Variants in SGK1 observed in about 807,000 individuals in gnomAD.
SGK1 encodes serine/threonine-protein kinase Sgk1.
A neutral mutation model predicts 64.2 loss-of-function variants in SGK1; 26 were observed. That is an observed-to-expected ratio of 0.40 (90% CI 0.30 to 0.56). The LOEUF (loss-of-function observed/expected upper bound fraction) is 0.56. Among genes scored for constraint, SGK1 ranks in the 20% least tolerant of loss-of-function variants. The pLI is 0.38. For missense variants in SGK1, 519 were observed against 645.6 expected (o/e 0.80, Z 2.12); for synonymous variants, 265 against 239.7 (o/e 1.11, Z -0.98).
chr6:134,192,121 G>A (rs761707827), intron 3 of SGK1, among the ~76,000 whole-genome samples: 13 of 151,932 alleles, frequency 8.6e-5, no homozygotes, highest in Admixed American at 5.9e-4. Flanking sequence ...GAGCCACCGC[G>A]CCCGGCCCTG....
intron 1 of SGK1, among the ~76,000 whole-genome samples, chr6:134,266,550 G>A (rs1776857148): frequency 6.6e-6 from 1 of 152,222 alleles, no homozygotes; most frequent in South Asian, 2.1e-4. Flanking sequence ...CGGAGGCAGA[G>A]GTTGCAGTGA....
chr6:134,238,548 ATAT>A (rs1171504421), intron 2 of SGK1, among the ~76,000 whole-genome samples: 1 of 151,168 alleles, frequency 6.6e-6, no homozygotes, highest in Non-Finnish European at 1.5e-5. Context: ...GAACTAAAGA[ATAT>A]TAATTCTCTC....
chr6:134,229,971 A>G (rs1330562424), intron 2 of SGK1, among the ~76,000 whole-genome samples: 2 of 152,222 alleles, frequency 1.3e-5, no homozygotes, highest in Admixed American at 6.5e-5. Flanking sequence ...AAAGCCATTA[A>G]AAAGCCTATA....
chr6:134,182,808 C>T lies in SGK1; in HGVS notation c.362-8222G>A, dbSNP rs545856609. Among the ~76,000 whole-genome samples the T allele has an allele frequency of 1.1e-4, 16 of 152,342 alleles. No homozygotes were observed. In the South Asian group the frequency reaches 2.1e-3, roughly 20 times the overall value. ...CCCCTCCTCCATTCAGTCTCCCTCA[C>T]AGACAGTGCTCCTGAATGTGCTGTA... On this transcript the variant is annotated intron_variant, in intron 3 of 13. Transcript: ENST00000367858.
intron 1 of SGK1, among the ~76,000 whole-genome samples, chr6:134,305,697 A>G (rs1777525100): frequency 6.6e-6 from 1 of 152,082 alleles, no homozygotes; most frequent in African/African-American, 2.4e-5. Context: ...CCCAGGCTAG[A>G]GTACAGTGGT....
At chr6:134,197,901 TATAAA>T (rs145281267) in intron 3 of SGK1, among the ~76,000 whole-genome samples, 4,138 of 36,674 alleles carry the variant, frequency 0.11, 219 homozygotes, top group African/African-American at 0.26. Flanking sequence ...TAAAATAAAA[TATAAA>T]ATAAAATAAA....
intron 2 of SGK1, among the ~76,000 whole-genome samples, chr6:134,232,477 A>AAGAAAGAG (rs1776304594): frequency 6.8e-6 from 1 of 146,420 alleles, no homozygotes; most frequent in African/African-American, 2.6e-5. Context: ...GAAAGAAAGA[A>AAGAAAGAG]AGAAAGAGAA....
At chr6:134,240,197 C>T (rs1030259254) in intron 2 of SGK1, among the ~76,000 whole-genome samples, 1 of 148,302 alleles carries the variant, frequency 6.7e-6, no homozygotes, top group Non-Finnish European at 1.5e-5. Context: ...GAGGCTGAGG[C>T]AGGAGAATCG....
intron 2 of SGK1, among the ~76,000 whole-genome samples, chr6:134,223,308 C>T (rs1776120195): frequency 1.3e-5 from 2 of 150,058 alleles, no homozygotes; most frequent in South Asian, 2.1e-4. Flanking sequence ...GTGGAGGTTG[C>T]GGTGAGCCGA....
intron 1 of SGK1, among the ~76,000 whole-genome samples, chr6:134,268,185 A>T (rs1309696426): frequency 6.6e-6 from 1 of 152,088 alleles, no homozygotes; most frequent in African/African-American, 2.4e-5. Flanking sequence ...CAGGCTGCGG[A>T]TTGCTTTACT....
At chr6:134,228,793 T>C (rs1776228123) in intron 2 of SGK1, among the ~76,000 whole-genome samples, 1 of 152,074 alleles carries the variant, frequency 6.6e-6, no homozygotes, top group Non-Finnish European at 1.5e-5. Flanking sequence ...ATGGAGAATT[T>C]CAAATGCTGT....
At chr6:134,270,492 C>G (rs1776922758) in intron 1 of SGK1, among the ~76,000 whole-genome samples, 1 of 148,276 alleles carries the variant, frequency 6.7e-6, no homozygotes, top group Admixed American at 6.9e-5. Context: ...CTAACATCCT[C>G]CATCAAGGTA....
chr6:134,207,070 A>G (rs1018843687), intron 3 of SGK1, among the ~76,000 whole-genome samples: 1 of 142,842 alleles, frequency 7.0e-6, no homozygotes, highest in Admixed American at 7.1e-5. Flanking sequence ...CTAAAAATAC[A>G]AAAAAATTAG....
chr6:134,225,351 GGAAAAAA>G (rs1388567523), intron 2 of SGK1, among the ~76,000 whole-genome samples: 2 of 97,870 alleles, frequency 2.0e-5, no homozygotes, highest in Non-Finnish European at 2.1e-5. Context: ...ACTCCATCTC[GGAAAAAA>G]AAAAAAAAAA....
chr6:134,246,349 G>A (rs1347612510), intron 2 of SGK1, among the ~76,000 whole-genome samples: 11 of 150,920 alleles, frequency 7.3e-5, no homozygotes, highest in Admixed American at 4.0e-4. Context: ...TAGAGAAGGG[G>A]TTTCACCATG....
At chr6:134,293,427 G>C (rs918838524) in intron 1 of SGK1, among the ~76,000 whole-genome samples, 1 of 152,146 alleles carries the variant, frequency 6.6e-6, no homozygotes, top group Non-Finnish European at 1.5e-5. Context: ...TAGGCTGTAT[G>C]ATTGACATTC....
intron 1 of SGK1, among the ~76,000 whole-genome samples, chr6:134,306,389 C>T (rs1562280488): frequency 1.3e-5 from 2 of 151,906 alleles, no homozygotes; most frequent in Non-Finnish European, 2.9e-5. Flanking sequence ...CAACACTGCA[C>T]TCCAGCCTGA....
intron 3 of SGK1, among the ~76,000 whole-genome samples, chr6:134,192,366 T>G (rs556086828): frequency 6.6e-6 from 1 of 152,116 alleles, no homozygotes; most frequent in East Asian, 1.9e-4. Context: ...ACATCTACTT[T>G]AACGACTCCA....
At chr6:134,224,541 T>C (rs901222258) in intron 2 of SGK1, among the ~76,000 whole-genome samples, 2 of 152,212 alleles carry the variant, frequency 1.3e-5, no homozygotes, top group African/African-American at 4.8e-5. Context: ...TTCCATGTGT[T>C]TTCTCTAGGT....
Sources: gnomAD v4.1 joint callset for allele counts (sites outside exome capture counted in the v4.1 genomes callset) on GRCh38, gnomAD v4.1.1 for gene constraint, MANE v1.5 for transcripts, NCBI Gene and HGNC (gene_info 2026-07-23, HGNC 2026-07-21) for gene names.